CBFA2T2: variants seen among roughly 807,000 people sequenced by gnomAD.
The protein encoded by CBFA2T2 is CBFA2/RUNX1 partner transcriptional co-repressor 2.
A neutral mutation model predicts 62.2 loss-of-function variants in CBFA2T2; 11 were observed. The ratio of observed to expected loss-of-function variants is 0.18; its 90% CI spans 0.11 to 0.29. The LOEUF (loss-of-function observed/expected upper bound fraction) is 0.29. Among genes scored for constraint, CBFA2T2 ranks in the 10% least tolerant of loss-of-function variants. The pLI, the probability that CBFA2T2 is intolerant of heterozygous loss-of-function variation, is 1.00. For synonymous variants in CBFA2T2, 295 were observed against 287.5 expected (o/e 1.03, Z -0.27); for missense variants, 592 against 774.1 (o/e 0.76, Z 2.79).
At chr20:33,613,713 G>A (rs1221309816) in intron 3 of CBFA2T2, among the ~76,000 whole-genome samples, 1 of 152,064 alleles carries the variant, frequency 6.6e-6, no homozygotes, top group Non-Finnish European at 1.5e-5. Context: ...TATCGGTTAG[G>A]GAGAAGTTTA....
At chr20:33,511,993 C>CA (rs2011519091) in intron 1 of CBFA2T2, among the ~76,000 whole-genome samples, 1 of 152,200 alleles carries the variant, frequency 6.6e-6, no homozygotes, top group Admixed American at 6.5e-5. Flanking sequence ...GCCAGGCCAA[C>CA]ATGTGAAACC....
chr20:33,642,110 TTTTTTTTGTG>T (rs1423666777), intron 10 of CBFA2T2, among the ~76,000 whole-genome samples: 1,508 of 77,038 alleles, frequency 0.02, 20 homozygotes, highest in African/African-American at 0.028. Context: ...TTTGTCTTTT[TTTTTTTTGTG>T]TGTGTGTGTG....
At chr20:33,639,619 C>T (rs1400462683) in intron 9 of CBFA2T2, 2 of 150,630 alleles carry the variant, frequency 1.3e-5, no homozygotes, top group Admixed American at 1.3e-4. Flanking sequence ...TGGTGCCTCA[C>T]CCCTATAACA....
At chr20:33,571,236 C>T (rs2013553008) in intron 1 of CBFA2T2, among the ~76,000 whole-genome samples, 1 of 152,170 alleles carries the variant, frequency 6.6e-6, no homozygotes, top group South Asian at 2.1e-4. Context: ...CAGTTTCAAA[C>T]ACTTCAGTAA....
chr20:33,575,822 G>A (rs2013796291), intron 1 of CBFA2T2, among the ~76,000 whole-genome samples: 1 of 152,042 alleles, frequency 6.6e-6, no homozygotes, highest in Non-Finnish European at 1.5e-5. Context: ...CTGTCGCCCA[G>A]GCTGGAGTGC....
chr20:33,503,542 C>T (rs956430209), intron 1 of CBFA2T2, among the ~76,000 whole-genome samples: 2 of 151,944 alleles, frequency 1.3e-5, no homozygotes, highest in Non-Finnish European at 1.5e-5. Context: ...CGTGAGCCAC[C>T]GCACCTGGCC....
In CBFA2T2 at chr20:33,647,759, G is replaced by A. The variant is rs1357711286; in HGVS notation, c.*3113G>A. 6.6e-6 allele frequency: 1 copy of A among 152,348 alleles called. No individual in the cohort carries two copies. The highest frequency in any genetic ancestry group is 1.5e-5 in the Non-Finnish European group (1 of 68,116). The allele number at this position is 152,348 out of a possible 1,614,324, so 9.4% of individuals were successfully genotyped here. Reference sequence around the variant, plus strand: ...AGAGCCTGGCCTGCTCTTGTGGGCTGTGGTTGCTGTGACAGTTTCGTTTTC... The same window carrying A: ...AGAGCCTGGCCTGCTCTTGTGGGCTATGGTTGCTGTGACAGTTTCGTTTTC... On this transcript the variant is annotated 3_prime_UTR_variant, in exon 11 of 11. Transcript: ENST00000342704.
chr20:33,587,701 G>T (rs781445572), intron 1 of CBFA2T2, among the ~76,000 whole-genome samples: 1 of 152,142 alleles, frequency 6.6e-6, no homozygotes, highest in Non-Finnish European at 1.5e-5. Context: ...GTCCAGCCCC[G>T]TACCCAGTTT....
chr20:33,543,332 T>C (rs2012455983), intron 1 of CBFA2T2, among the ~76,000 whole-genome samples: 1 of 152,224 alleles, frequency 6.6e-6, no homozygotes, highest in Non-Finnish European at 1.5e-5. Context: ...TTTATAGTGA[T>C]ACACTTTTGT....
At chr20:33,597,852 C>G (rs960345382) in intron 1 of CBFA2T2, among the ~76,000 whole-genome samples, 1 of 152,102 alleles carries the variant, frequency 6.6e-6, no homozygotes, top group Admixed American at 6.6e-5. Context: ...GGAATCTGCC[C>G]CAATATTCAC....
intron 1 of CBFA2T2, among the ~76,000 whole-genome samples, chr20:33,518,868 C>T (rs888377796): frequency 6.6e-6 from 1 of 151,608 alleles, no homozygotes; most frequent in Non-Finnish European, 1.5e-5. Flanking sequence ...GTTGCCCAGG[C>T]TGGAATGCAC....
intron 1 of CBFA2T2, among the ~76,000 whole-genome samples, chr20:33,515,816 A>AAAAAAAC (rs1568795082): frequency 4.6e-5 from 7 of 151,746 alleles, no homozygotes; most frequent in African/African-American, 1.4e-4. Flanking sequence ...AAAAAAAAAA[A>AAAAAAAC]AAAAACGGGG....
intron 1 of CBFA2T2, among the ~76,000 whole-genome samples, chr20:33,598,073 A>G (rs1373545857): frequency 2.6e-5 from 4 of 152,186 alleles, no homozygotes; most frequent in African/African-American, 9.7e-5. Context: ...GGTCACAGAC[A>G]TCAAGTACTT....
chr20:33,536,395 C>G (rs2012235191), intron 1 of CBFA2T2, among the ~76,000 whole-genome samples: 2 of 150,114 alleles, frequency 1.3e-5, no homozygotes, highest in Admixed American at 1.3e-4. Context: ...CGCCCCTCAC[C>G]TCCCGGACAG....
chr20:33,504,615 A>G (rs1391101395), intron 1 of CBFA2T2, among the ~76,000 whole-genome samples: 1 of 151,814 alleles, frequency 6.6e-6, no homozygotes, highest in African/African-American at 2.4e-5. Flanking sequence ...TGTTGGCCAG[A>G]CTGTCTCGAA....
At chr20:33,490,442 C>T (rs2011138105) in intron 1 of CBFA2T2, 141 bp downstream of exon 1, 12 of 891,394 alleles carry the variant, frequency 1.3e-5, no homozygotes, top group Non-Finnish European at 1.8e-5. Context: ...TCCAAGGTCA[C>T]GCAGCGGGGC....
At chr20:33,609,432 A>G (rs2015448360) in intron 2 of CBFA2T2, among the ~76,000 whole-genome samples, 1 of 152,022 alleles carries the variant, frequency 6.6e-6, no homozygotes, top group Non-Finnish European at 1.5e-5. Context: ...AACTCAGGAG[A>G]CGGAGGTTGC....
chr20:33,558,255 CAG>C lies in CBFA2T2; in HGVS notation c.35-48698_35-48697del, dbSNP rs2012972777. On this transcript the variant is annotated intron_variant, in intron 1 of 10. Transcript: ENST00000342704. ...CAAGCGATTCTCCTGCCTCGGCCAC[CAG>C]AGTAGCTGGGATTACAGGAGTGCGC... is the stretch of plus-strand genomic sequence containing the variant. 3.3e-5 allele frequency among the ~76,000 whole-genome samples: 5 copies of C among 152,100 alleles called. No individual in the cohort carries two copies. In the South Asian group the frequency reaches 1.0e-3, roughly 32 times the overall value.
chr20:33,561,763 A>G (rs1203632056), intron 1 of CBFA2T2, among the ~76,000 whole-genome samples: 1 of 152,152 alleles, frequency 6.6e-6, no homozygotes, highest in African/African-American at 2.4e-5. Flanking sequence ...TTTTAAAACA[A>G]TTTTGCATTG....
Sources: gnomAD v4.1 joint callset for allele counts (sites outside exome capture counted in the v4.1 genomes callset) on GRCh38, gnomAD v4.1.1 for gene constraint, MANE v1.5 for transcripts, NCBI Gene and HGNC (gene_info 2026-07-23, HGNC 2026-07-21) for gene names.